Variants in MBD5 observed in about 807,000 individuals in gnomAD.
MBD5 encodes methyl-CpG-binding domain protein 5.
In MBD5, 13 loss-of-function variants were observed where a neutral mutation model predicts 117.3. The ratio of observed to expected loss-of-function variants is 0.11; its 90% CI spans 0.07 to 0.18. The LOEUF (loss-of-function observed/expected upper bound fraction) is 0.18, where lower values mean the gene tolerates loss of function less well. Ranked by LOEUF, MBD5 falls within the 10% of genes least tolerant of loss-of-function variation. The pLI, the probability that MBD5 is intolerant of heterozygous loss-of-function variation, is 1.00. For missense variants in MBD5, 1,879 were observed against 2,093.8 expected, an observed-to-expected ratio of 0.90 and a Z score of 2.00; for synonymous variants, 727 against 766.4, an observed-to-expected ratio of 0.95 and a Z score of 0.85.
At chr2:148,223,641 C>T (rs1424949382) in intron 2 of MBD5, among the ~76,000 whole-genome samples, 1 of 87,294 alleles carries the variant, frequency 1.1e-5, no homozygotes, top group Non-Finnish European at 2.4e-5. Flanking sequence ...TATTTGGATC[C>T]TCTCTCTTTT....
intron 1 of MBD5, among the ~76,000 whole-genome samples, chr2:148,035,358 TAAA>T (rs1042605952): frequency 1.1e-4 from 17 of 152,298 alleles, no homozygotes; most frequent in African/African-American, 3.8e-4. Context: ...TGTTATGCGT[TAAA>T]AATTTTTTCT....
rs761709621 is a variant in MBD5 at position 148,294,501 on chromosome 2, G to GTTTTTTTTTTTTTGTTTTTTTTTTTTTT, written c.-679-47700_-679-47699insGTTTTTTTTTTTTTTTTTTTTTTTTTTT. Among the ~76,000 whole-genome samples the GTTTTTTTTTTTTTGTTTTTTTTTTTTTT allele has an allele frequency of 6.7e-4, 76 of 113,248 alleles. 3 individuals carry two copies. Among genetic ancestry groups the GTTTTTTTTTTTTTGTTTTTTTTTTTTTT allele is most frequent in the African/African-American group, 2.3e-3 (62 of 27,292 alleles). The allele number at this position is 113,248 out of a possible 152,430, so 74.3% of individuals were successfully genotyped here. A position where few individuals can be genotyped will look rare whatever the true frequency, so the allele number is the denominator to read the frequency against. On this transcript the variant is annotated intron_variant, in intron 3 of 13. Transcript: ENST00000642680. ...GGCCTCCCAAAGTGCTGGGATTACA[G>GTTTTTTTTTTTTTGTTTTTTTTTTTTTT]TTTTTTTTTTTTTTTTTTTTGAGAT...
At chr2:148,055,031 A>G (rs1694818919) in intron 1 of MBD5, 1 of 152,228 alleles carries the variant, frequency 6.6e-6, no homozygotes, top group Non-Finnish European at 1.5e-5. Flanking sequence ...TGAGATAAAT[A>G]TATTTTTATA....
chr2:148,248,016 G>A (rs1489189685), intron 3 of MBD5, among the ~76,000 whole-genome samples: 5 of 152,098 alleles, frequency 3.3e-5, no homozygotes, highest in Non-Finnish European at 7.4e-5. Flanking sequence ...CTACATAAAA[G>A]TAGTGTTCAG....
intron 4 of MBD5, among the ~76,000 whole-genome samples, chr2:148,388,854 A>T (rs984269943): frequency 2.0e-5 from 3 of 152,102 alleles, no homozygotes; most frequent in South Asian, 2.1e-4. Flanking sequence ...AAATTATTAT[A>T]ATTTCAGGGG....
chr2:148,162,046 C>G (rs1273061779), intron 1 of MBD5, among the ~76,000 whole-genome samples: 1 of 152,146 alleles, frequency 6.6e-6, no homozygotes, highest in Non-Finnish European at 1.5e-5. Flanking sequence ...TTCCAAAGGC[C>G]AGCTCCTCCA....
At chr2:148,486,250 G>C (rs969195942) in intron 10 of MBD5, among the ~76,000 whole-genome samples, 1 of 151,970 alleles carries the variant, frequency 6.6e-6, no homozygotes, top group Non-Finnish European at 1.5e-5. Context: ...CACCTCCCTT[G>C]CATGCCCACC....
At chr2:148,347,593 C>G (rs1703153241) in intron 4 of MBD5, 1 of 151,780 alleles carries the variant, frequency 6.6e-6, no homozygotes, top group Non-Finnish European at 1.5e-5. Flanking sequence ...ATGTTCTTGC[C>G]CCAAACTTCC....
chr2:148,361,752 C>T (rs1703539714), intron 4 of MBD5, among the ~76,000 whole-genome samples: 1 of 152,034 alleles, frequency 6.6e-6, no homozygotes, highest in Admixed American at 6.5e-5. Context: ...AGGAACAGCT[C>T]CGGTCTGCAG....
At chr2:148,035,356 G>A (rs949595618) in intron 1 of MBD5, among the ~76,000 whole-genome samples, 10 of 152,034 alleles carry the variant, frequency 6.6e-5, no homozygotes, top group South Asian at 4.1e-4. Context: ...TATGTTATGC[G>A]TTAAAAATTT....
chr2:148,027,846 T>TAG (rs1405683911), intron 1 of MBD5: 2 of 152,144 alleles, frequency 1.3e-5, no homozygotes, highest in Non-Finnish European at 2.9e-5. Context: ...TTAGAAAAGT[T>TAG]TATTGCAAAT....
intron 12 of MBD5, among the ~76,000 whole-genome samples, chr2:148,509,563 A>T (rs1040864009): frequency 3.9e-5 from 6 of 152,220 alleles, no homozygotes; most frequent in Admixed American, 3.9e-4. Context: ...ACGCACCGGC[A>T]TTTCAGCCTT....
At chr2:148,148,450 T>G (rs1308936369) in intron 1 of MBD5, among the ~76,000 whole-genome samples, 1 of 152,226 alleles carries the variant, frequency 6.6e-6, no homozygotes, top group Non-Finnish European at 1.5e-5. Context: ...CCACTTTTCT[T>G]GAATAAATAT....
chr2:148,485,446 A>G (rs1574479634), intron 9 of MBD5: 2 of 313,700 alleles, frequency 6.4e-6, no homozygotes, highest in East Asian at 1.4e-4. Context: ...CTAAAAATAG[A>G]TGAAGGAATC....
intron 4 of MBD5, among the ~76,000 whole-genome samples, chr2:148,409,140 C>T (rs1705176614): frequency 6.6e-6 from 1 of 151,958 alleles, no homozygotes; most frequent in Non-Finnish European, 1.5e-5. Flanking sequence ...AATCCTAGCA[C>T]TTTGGGAGGT....
intron 4 of MBD5, among the ~76,000 whole-genome samples, chr2:148,410,783 C>A (rs1428369710): frequency 6.6e-6 from 1 of 152,144 alleles, no homozygotes; most frequent in African/African-American, 2.4e-5. Context: ...GAATATGTTG[C>A]AAATATTTTC....
In MBD5 at chr2:148,458,195, T is replaced by C. The variant is rs140968376; in HGVS notation, c.-556-8T>C. On this transcript the variant is annotated splice_region_variant and splice_polypyrimidine_tract_variant and intron_variant, in intron 4 of 13. Transcript: ENST00000642680. Reference sequence around the variant, plus strand: ...ATATACAAGTTCACATATTTACATATGTTTCAGGCTACATTATTGGAATTT... The same window carrying C: ...ATATACAAGTTCACATATTTACATACGTTTCAGGCTACATTATTGGAATTT... 3.6e-3 allele frequency: 1,443 copies of C among 400,324 alleles called. 4 individuals are homozygous for C. Among genetic ancestry groups the C allele is most frequent in the Admixed American group, 5.0e-3 (116 of 23,236 alleles). The allele number at this position is 400,324 out of a possible 1,614,324, so 24.8% of individuals were successfully genotyped here.
intron 1 of MBD5, among the ~76,000 whole-genome samples, chr2:148,042,624 C>T (rs1419592429): frequency 6.6e-6 from 1 of 151,676 alleles, no homozygotes; most frequent in Non-Finnish European, 1.5e-5. Flanking sequence ...AATAAAACTA[C>T]AAATTTAGGA....
At chr2:148,248,895 A>G (rs1431549747) in intron 3 of MBD5, among the ~76,000 whole-genome samples, 2 of 152,090 alleles carry the variant, frequency 1.3e-5, no homozygotes, top group African/African-American at 2.4e-5. Context: ...AGAGGTATAT[A>G]AAATTAGGAT....
Sources: gnomAD v4.1 joint callset for allele counts (sites outside exome capture counted in the v4.1 genomes callset) on GRCh38, gnomAD v4.1.1 for gene constraint, MANE v1.5 for transcripts, NCBI Gene and HGNC (gene_info 2026-07-23, HGNC 2026-07-21) for gene names.